TCAF1: variants seen among roughly 807,000 people sequenced by gnomAD.
TCAF1 encodes the protein TRPM8 channel associated factor 1, also known as TRPM8 channel-associated factor 1.
A neutral mutation model predicts 27.3 loss-of-function variants in TCAF1; 4 were observed. The ratio of observed to expected loss-of-function variants is 0.15; its 90% CI spans 0.07 to 0.34. The LOEUF is 0.34. Ranked by LOEUF, TCAF1 falls within the 10% of genes least tolerant of loss-of-function variation. TCAF1 has a pLI of 1.00. For synonymous variants in TCAF1, 105 were observed against 167.1 expected, an observed-to-expected ratio of 0.63 and a Z score of 2.87; for missense variants, 257 against 425.8, an observed-to-expected ratio of 0.60 and a Z score of 3.49.
chr7:143,874,901 G>A (rs976793470), intron 2 of TCAF1, among the ~76,000 whole-genome samples: 3 of 152,212 alleles, frequency 2.0e-5, no homozygotes, highest in Admixed American at 2.0e-4. Context: ...TATATAATAT[G>A]TTTAATAAAC....
At chr7:143,879,938 T>C (rs1467376825) in intron 1 of TCAF1, among the ~76,000 whole-genome samples, 1 of 152,098 alleles carries the variant, frequency 6.6e-6, no homozygotes, top group East Asian at 1.9e-4. Context: ...ACCTCACATA[T>C]CTGTCTCACT....
chr7:143,901,645 G>T (rs756378299), intron 1 of TCAF1, among the ~76,000 whole-genome samples: 4 of 152,182 alleles, frequency 2.6e-5, no homozygotes, highest in African/African-American at 9.6e-5. Flanking sequence ...CAAGCCCCCA[G>T]CTGGCGAGAT....
intron 1 of TCAF1, among the ~76,000 whole-genome samples, chr7:143,886,774 C>T (rs577083149): frequency 1.4e-5 from 2 of 142,762 alleles, no homozygotes; most frequent in East Asian, 2.1e-4. Context: ...ACTGCAACCT[C>T]GAACTCCTGG....
chr7:143,891,065 T>G (rs1813616936), intron 1 of TCAF1, among the ~76,000 whole-genome samples: 2 of 152,222 alleles, frequency 1.3e-5, no homozygotes, highest in South Asian at 4.1e-4. Context: ...TTAAAGACTA[T>G]GTTCTTGGAG....
chr7:143,896,436 A>C (rs1813872887), intron 1 of TCAF1, among the ~76,000 whole-genome samples: 1 of 152,080 alleles, frequency 6.6e-6, no homozygotes, highest in Non-Finnish European at 1.5e-5. Context: ...CAACTCAAGC[A>C]AATAAAAAGT....
At chr7:143,890,677 T>G (rs1052487535) in intron 1 of TCAF1, among the ~76,000 whole-genome samples, 1 of 152,252 alleles carries the variant, frequency 6.6e-6, no homozygotes, top group Non-Finnish European at 1.5e-5. Context: ...TTTTTCATTT[T>G]ACAGTGCAGG....
intron 1 of TCAF1, among the ~76,000 whole-genome samples, chr7:143,890,074 C>T (rs988630293): frequency 7.9e-5 from 12 of 151,542 alleles, no homozygotes; most frequent in Admixed American, 2.6e-4. Flanking sequence ...CTGCAAGTTC[C>T]GCCTCCCAGG....
chr7:143,876,391 A>T lies in TCAF1; in HGVS notation c.218T>A (p.Leu73His). Residue 73 changes from leucine (L) to histidine (H), a missense_variant, in exon 2 of 9, where the codon CTC becomes CAC. Leu to His is a moderately conservative substitution (Grantham distance 99). Coordinates refer to ENST00000479870, the MANE Select transcript of TCAF1 (RefSeq NM_014719.3). ...CACTGCGTTCAGGAGAAAGGGCGTG[A>T]GCTGGGCTTCCACCAAGTAGTCCTC... ...SHEDYLVEAQLTPFLLNAVGW... is the reference protein window; with the variant it reads ...SHEDYLVEAQHTPFLLNAVGW... The T allele has an allele frequency of 2.5e-6, 4 of 1,614,070 alleles. No homozygotes were observed. The highest frequency in any genetic ancestry group is 3.4e-6 in the Non-Finnish European group (4 of 1,179,992).
intron 1 of TCAF1, among the ~76,000 whole-genome samples, chr7:143,897,604 T>C (rs1375106567): frequency 1.3e-5 from 2 of 152,120 alleles, no homozygotes; most frequent in Non-Finnish European, 2.9e-5. Context: ...TGTATTTATA[T>C]ATATTGAATA....
chr7:143,860,039 TA>T (rs1811932097), intron 6 of TCAF1, among the ~76,000 whole-genome samples, 168 bp downstream of exon 6: 2 of 84,834 alleles, frequency 2.4e-5, no homozygotes, highest in African/African-American at 1.0e-4. Flanking sequence ...ATATATATAA[TA>T]TATAATATAT....
chr7:143,877,765 C>T (rs1812794803), intron 1 of TCAF1, among the ~76,000 whole-genome samples: 1 of 152,192 alleles, frequency 6.6e-6, no homozygotes, highest in African/African-American at 2.4e-5. Context: ...CATCACTGCT[C>T]TTCAGTCCAT....
rs1563203582 is a variant in TCAF1 at position 143,851,481 on chromosome 7, C to CCCA, written c.*2649_*2651dup. Reference sequence around the variant, plus strand: ...TAAAATGAAAAACACAGTTTCCCATCCCACCCTTTTTAAATCTAAATCCCA... The same window carrying CCCA: ...TAAAATGAAAAACACAGTTTCCCATCCCACCACCCTTTTTAAATCTAAATCCCA... On this transcript the variant is annotated 3_prime_UTR_variant, in exon 9 of 9. Coordinates refer to ENST00000479870, the MANE Select transcript of TCAF1 (RefSeq NM_014719.3). 6.6e-6 allele frequency: 1 copy of CCCA among 152,212 alleles called. No individual in the cohort carries two copies. The highest frequency in any genetic ancestry group is 2.4e-5 in the African/African-American group (1 of 41,458). 9.4% of individuals were successfully genotyped at this position (152,212 alleles called of 1,614,324 possible). A position where few individuals can be genotyped will look rare whatever the true frequency, so the allele number is the denominator to read the frequency against.
chr7:143,896,750 T>C (rs1333595733), intron 1 of TCAF1, among the ~76,000 whole-genome samples: 1 of 151,892 alleles, frequency 6.6e-6, no homozygotes, highest in Non-Finnish European at 1.5e-5. Context: ...TAAAGCTACA[T>C]GGTCAAAAAT....
chr7:143,892,394 A>T (rs955344274), intron 1 of TCAF1, among the ~76,000 whole-genome samples: 13 of 149,398 alleles, frequency 8.7e-5, no homozygotes, highest in African/African-American at 2.8e-4. Flanking sequence ...AAAATAATTT[A>T]AAAAATTATA....
intron 1 of TCAF1, among the ~76,000 whole-genome samples, chr7:143,895,325 C>T (rs1813824604): frequency 6.6e-6 from 1 of 151,650 alleles, no homozygotes; most frequent in African/African-American, 2.4e-5. Context: ...TTATACAATA[C>T]TATAGAAAAA....
intron 1 of TCAF1, chr7:143,882,989 G>C (rs1447715887): frequency 1.9e-6 from 1 of 539,268 alleles, no homozygotes; most frequent in African/African-American, 2.1e-5. Flanking sequence ...TTGTGTCGCC[G>C]GCCCTGGTGG....
intron 1 of TCAF1, among the ~76,000 whole-genome samples, chr7:143,877,526 G>A (rs1013244462): frequency 5.9e-5 from 9 of 152,234 alleles, no homozygotes; most frequent in African/African-American, 1.7e-4. Flanking sequence ...AACAAGATAT[G>A]CAATTACTGC....
intron 6 of TCAF1, among the ~76,000 whole-genome samples, 198 bp downstream of exon 6, chr7:143,860,009 TA>T (rs1811905676): frequency 4.4e-4 from 13 of 29,364 alleles, no homozygotes; most frequent in South Asian, 4.4e-3. Context: ...ATAATATATA[TA>T]TAATATATAT....
intron 1 of TCAF1, 134 bp from the exon 2 acceptor site, chr7:143,876,756 A>C: frequency 3.3e-6 from 2 of 606,324 alleles, no homozygotes. Flanking sequence ...GAAATGATTT[A>C]AGCACTCGGT....
Sources: gnomAD v4.1 joint callset for allele counts (sites outside exome capture counted in the v4.1 genomes callset) on GRCh38, gnomAD v4.1.1 for gene constraint, MANE v1.5 for transcripts, NCBI Gene and HGNC (gene_info 2026-07-23, HGNC 2026-07-21) for gene names.